The following ADAMTS16 variants were observed in gnomAD, a reference collection of about 807,000 sequenced individuals.
ADAMTS16 encodes A disintegrin and metalloproteinase with thrombospondin motifs 16.
A neutral mutation model predicts 145.8 loss-of-function variants in ADAMTS16; 94 were observed. The observed-to-expected ratio is 0.64, with a 90% CI of 0.55 to 0.77. The LOEUF (loss-of-function observed/expected upper bound fraction) is 0.77, where lower values mean the gene tolerates loss of function less well. Ranked by LOEUF, ADAMTS16 falls within the 30% of genes least tolerant of loss-of-function variation. The probability of loss-of-function intolerance (pLI) is 0.00; values close to 1 mark genes in which losing one functional copy is unlikely to be tolerated. For synonymous variants in ADAMTS16, 659 were observed against 604.3 expected, an observed-to-expected ratio of 1.09 and a Z score of -1.33; for missense variants, 1,585 against 1,591.5, an observed-to-expected ratio of 1.00 and a Z score of 0.07.
At position 5,310,247 on chromosome 5, in the gene ADAMTS16, G is replaced by C. The variant is rs190257454; in HGVS notation, c.3411+3519G>C. Among the ~76,000 whole-genome samples, 197 of 152,122 alleles carry C rather than the reference G, an allele frequency of 1.3e-3. 1 individual carries two copies. Among genetic ancestry groups the C allele is most frequent in the African/African-American group, 4.4e-3 (184 of 41,502 alleles). The stretch of plus-strand genomic sequence containing the variant: ...TCTCATGTCCACCATCCTCCAGCTC[G>C]TAGGACCCCACCCACACTGCGCAGC... On this transcript the variant is annotated intron_variant, in intron 21 of 22. Transcript: ENST00000274181. The surrounding 1 kb of genome is among the most constrained non-coding windows in gnomAD (Gnocchi z 4.3).
intron 10 of ADAMTS16, among the ~76,000 whole-genome samples, chr5:5,220,858 A>G (rs556633557): frequency 1.3e-5 from 2 of 152,166 alleles, no homozygotes; most frequent in African/African-American, 4.8e-5. Flanking sequence ...CATTGTGGCC[A>G]TCTCCCAGAT....
intron 17 of ADAMTS16, among the ~76,000 whole-genome samples, chr5:5,261,674 C>T (rs192307813): frequency 1.8e-4 from 27 of 152,212 alleles, no homozygotes; most frequent in African/African-American, 5.5e-4. Flanking sequence ...TTAGTAGAGA[C>T]GGAGTTTCAC....
chr5:5,292,498 A>AAAG (rs1406022193), intron 18 of ADAMTS16, among the ~76,000 whole-genome samples: 1 of 146,816 alleles, frequency 6.8e-6, no homozygotes, highest in Non-Finnish European at 1.5e-5. Context: ...ACTCCAGCTC[A>AAAG]AATAATAATA....
chr5:5,318,887 A>G, intron 22 of ADAMTS16, 136 bp from the exon 23 acceptor site: 1 of 637,504 alleles, frequency 1.6e-6, no homozygotes, highest in South Asian at 1.9e-5. Context: ...GACCCCCATC[A>G]GACCTGGGGG....
chr5:5,266,701 C>A (rs1738251351), intron 18 of ADAMTS16, among the ~76,000 whole-genome samples: 1 of 152,178 alleles, frequency 6.6e-6, no homozygotes, highest in South Asian at 2.1e-4. Context: ...AGCTCTCCTC[C>A]TCCTGGGGCT....
At chr5:5,151,753 A>T (rs1383975188) in intron 3 of ADAMTS16, among the ~76,000 whole-genome samples, 1 of 150,608 alleles carries the variant, frequency 6.6e-6, no homozygotes, top group Non-Finnish European at 1.5e-5. Flanking sequence ...GAGCACCTAA[A>T]ATCTACTCTT....
chr5:5,310,068 G>A lies in ADAMTS16; in HGVS notation c.3411+3340G>A, dbSNP rs184240241. ...CATAGGCCACTCCGCAGGCAGAGGA[G>A]TGCAGAAATTAGTGCAGGTGCCTGT... is the stretch of plus-strand genomic sequence containing the variant. On this transcript the variant is annotated intron_variant, in intron 21 of 22. Transcript: ENST00000274181. The surrounding 1 kb of genome is among the most constrained non-coding windows in gnomAD (Gnocchi z 4.3). Among the ~76,000 whole-genome samples, 646 of 152,256 alleles carry A rather than the reference G, an allele frequency of 4.2e-3. 6 individuals carry two copies. Among genetic ancestry groups the A allele is most frequent in the African/African-American group, 0.014 (565 of 41,536 alleles).
chr5:5,275,980 T>G (rs1225543319), intron 18 of ADAMTS16, among the ~76,000 whole-genome samples: 1 of 152,102 alleles, frequency 6.6e-6, no homozygotes, highest in Non-Finnish European at 1.5e-5. Flanking sequence ...TGTCTCAGCC[T>G]CCCGAGTAGC....
intron 17 of ADAMTS16, among the ~76,000 whole-genome samples, chr5:5,251,901 G>A (rs997939340): frequency 2.6e-4 from 40 of 152,160 alleles, no homozygotes; most frequent in African/African-American, 9.6e-4. Context: ...CTGTCACCCA[G>A]GCTGGAGTGC....
intron 9 of ADAMTS16, among the ~76,000 whole-genome samples, chr5:5,205,543 T>A (rs1579309602): frequency 2.0e-5 from 3 of 152,260 alleles, no homozygotes; most frequent in African/African-American, 7.2e-5. Context: ...TTGGACCATT[T>A]TGCATTCTCA....
At chr5:5,180,275 T>C (rs1735305132) in intron 3 of ADAMTS16, among the ~76,000 whole-genome samples, 1 of 152,146 alleles carries the variant, frequency 6.6e-6, no homozygotes, top group Non-Finnish European at 1.5e-5. Context: ...ATCAGCATAA[T>C]AGTAATACTA....
chr5:5,160,144 A>G (rs1185836215), intron 3 of ADAMTS16, among the ~76,000 whole-genome samples: 1 of 152,246 alleles, frequency 6.6e-6, no homozygotes, highest in African/African-American at 2.4e-5. Context: ...ATGTTTAAGA[A>G]TAAAGGGCTG....
At chr5:5,274,725 CAT>C (rs922662685) in intron 18 of ADAMTS16, among the ~76,000 whole-genome samples, 1 of 123,406 alleles carries the variant, frequency 8.1e-6, no homozygotes, top group Non-Finnish European at 1.7e-5. Context: ...CATACACACA[CAT>C]GCACACACAG....
At chr5:5,167,685 C>T (rs73036295) in intron 3 of ADAMTS16, among the ~76,000 whole-genome samples, 1 of 152,140 alleles carries the variant, frequency 6.6e-6, no homozygotes, top group Non-Finnish European at 1.5e-5. Flanking sequence ...CTTTGTCTAG[C>T]GAATTAGCCT....
At chr5:5,318,771 C>T (rs111859044) in intron 22 of ADAMTS16, among the ~76,000 whole-genome samples, 2,891 of 152,228 alleles carry the variant, frequency 0.019, 35 homozygotes, top group Non-Finnish European at 0.028. Context: ...ACAGAGGCTC[C>T]AATGGGTAGA....
intron 2 of ADAMTS16, among the ~76,000 whole-genome samples, chr5:5,143,325 AACAG>A (rs1734213682): frequency 6.6e-6 from 1 of 152,244 alleles, no homozygotes; most frequent in South Asian, 2.1e-4. Flanking sequence ...GAAGTATATG[AACAG>A]ACAATTTTCA....
rs1378902202 is a variant in ADAMTS16, at chr5:5,239,142, G to C, written c.2155-9G>C. The C allele has an allele frequency of 6.6e-7, 1 of 1,521,642 alleles. No homozygotes were observed. The highest frequency in any genetic ancestry group is 8.8e-7 in the Non-Finnish European group (1 of 1,136,032). 94.3% of individuals were successfully genotyped at this position (1,521,642 alleles called of 1,614,324 possible). A position where few individuals can be genotyped will look rare whatever the true frequency, so the allele number is the denominator to read the frequency against. On this transcript the variant is annotated splice_polypyrimidine_tract_variant and intron_variant, in intron 14 of 22. Transcript: ENST00000274181. ...TCATGAATGACATGTGACCTCATGG[G>C]CCCTCCAGAGAGTTGGATGTGACAA...
At chr5:5,254,310 G>A (rs566032448) in intron 17 of ADAMTS16, among the ~76,000 whole-genome samples, 27 of 151,676 alleles carry the variant, frequency 1.8e-4, no homozygotes, top group African/African-American at 4.4e-4. Flanking sequence ...AAGCTTTCCC[G>A]TTGTCATAAC....
chr5:5,182,199 C>G lies in ADAMTS16; in HGVS notation c.657C>G (p.Val219=). 1 of 1,614,172 alleles carries G rather than the reference C, an allele frequency of 6.2e-7. No individual in the cohort carries two copies. Among genetic ancestry groups the G allele is most frequent in the Non-Finnish European group, 8.5e-7 (1 of 1,180,038 alleles). ...CCCATGCTCCTGGGGCCAGTGAGGT[C>G]CTGGTGACCTCAAGGACATGGGAGC... ...TEPHAPGASE[V]LVTSRTWELA... is the part of the protein sequence containing the mutation. Residue 219 remains valine (V), a synonymous_variant, in exon 4 of 23, where the codon GTC becomes GTG. Transcript: ENST00000274181.
Sources: gnomAD v4.1 joint callset for allele counts (sites outside exome capture counted in the v4.1 genomes callset) on GRCh38, gnomAD v4.1.1 for gene constraint, Gnocchi (gnomAD v3.1) non-coding constraint, MANE v1.5 for transcripts, NCBI Gene and HGNC (gene_info 2026-07-23, HGNC 2026-07-21) for gene names.